The following RUFY1 variants were observed in gnomAD, a reference collection of about 807,000 sequenced individuals.
The protein encoded by RUFY1 is RUN and FYVE domain-containing protein 1.
In RUFY1, 54 loss-of-function variants were observed where a neutral mutation model predicts 94.6. The ratio of observed to expected loss-of-function variants is 0.57; its 90% confidence interval spans 0.46 to 0.72. The LOEUF (loss-of-function observed/expected upper bound fraction) is 0.72, where lower values mean the gene tolerates loss of function less well. RUFY1 is among the 30% of genes least tolerant of loss of function. The pLI is 0.00. For synonymous variants in RUFY1, 396 were observed against 347.3 expected (o/e 1.14, Z -1.56); for missense variants, 883 against 883.9 (o/e 1.00, Z 0.01).
chr5:179,570,264 T>G (rs1340667778), intron 5 of RUFY1, among the ~76,000 whole-genome samples: 2 of 152,192 alleles, frequency 1.3e-5, no homozygotes, highest in East Asian at 3.9e-4. Context: ...TGATCATGCC[T>G]GGATTTGAGA....
intron 1 of RUFY1, among the ~76,000 whole-genome samples, chr5:179,555,445 T>C (rs4701131): frequency 0.41 from 62,060 of 151,842 alleles, 13,065 homozygotes; most frequent in East Asian, 0.69. Context: ...CCAGGTTTAA[T>C]TTTCCATGCC....
At chr5:179,559,435 G>A (rs7702303) in intron 1 of RUFY1, among the ~76,000 whole-genome samples, 59,758 of 152,040 alleles carry the variant, frequency 0.39, 12,146 homozygotes, top group East Asian at 0.69. Flanking sequence ...TGAGCCTGGA[G>A]CTGAGGGGAA....
rs151290435 is a variant in RUFY1, at chr5:179,596,437, G to A, written c.1512-125G>A. 1.2e-5 allele frequency: 15 copies of A among 1,203,114 alleles called. No homozygotes were observed. The African/African-American group carries it at 1.5e-4, about 12-fold the overall frequency. The allele number at this position is 1,203,114 out of a possible 1,614,324, so 74.5% of individuals were successfully genotyped here. A position where few individuals can be genotyped will look rare whatever the true frequency, so the allele number is the denominator to read the frequency against. On this transcript the variant is annotated intron_variant, in intron 12 of 17. Transcript: ENST00000319449. ...GATTGTGGTGGAGCTGAATCTCCAC[G>A]TGTTAAAACTCACAAGAGTTAATTT...
intron 8 of RUFY1, 48 bp from the exon 9 acceptor site, chr5:179,589,498 A>T: frequency 8.6e-7 from 1 of 1,168,416 alleles, no homozygotes; most frequent in Non-Finnish European, 1.3e-6. Context: ...AATTTGAACA[A>T]TAAGATTAAT....
chr5:179,573,592 C>T (rs1763386636), intron 5 of RUFY1, among the ~76,000 whole-genome samples: 1 of 151,980 alleles, frequency 6.6e-6, no homozygotes, highest in East Asian at 1.9e-4. Flanking sequence ...GCATAATCTC[C>T]ACTCACTGCA....
intron 9 of RUFY1, among the ~76,000 whole-genome samples, 158 bp from the exon 10 acceptor site, chr5:179,591,467 A>G (rs1765097791): frequency 6.6e-6 from 1 of 152,236 alleles, no homozygotes; most frequent in Non-Finnish European, 1.5e-5. Flanking sequence ...TACAGGCGTG[A>G]GCCAATGCGC....
chr5:179,555,864 G>A (rs534239105), intron 1 of RUFY1: 2 of 247,996 alleles, frequency 8.1e-6, no homozygotes, highest in South Asian at 6.8e-5. Context: ...ATTTTTAGTA[G>A]AGACAGGGTT....
intron 6 of RUFY1, among the ~76,000 whole-genome samples, chr5:179,578,457 G>C (rs1763833361): frequency 6.6e-6 from 1 of 151,840 alleles, no homozygotes; most frequent in Admixed American, 6.6e-5. Flanking sequence ...GGCCTCAGGT[G>C]ATCCACCTGC....
intron 14 of RUFY1, chr5:179,599,457 C>T (rs1239246728): frequency 6.6e-6 from 1 of 152,534 alleles, no homozygotes; most frequent in Non-Finnish European, 1.5e-5. Flanking sequence ...AGCAGACCGA[C>T]CCCAGCCCTC....
At chr5:179,592,885 T>G (rs1336892441) in intron 10 of RUFY1, among the ~76,000 whole-genome samples, 1 of 152,196 alleles carries the variant, frequency 6.6e-6, no homozygotes, top group Non-Finnish European at 1.5e-5. Context: ...AAAACATGCA[T>G]TCTGATCTGT....
chr5:179,550,960 T>G (rs1316604964), intron 1 of RUFY1, 81 bp downstream of exon 1: 1 of 988,406 alleles, frequency 1.0e-6, no homozygotes, highest in Non-Finnish European at 1.2e-6. Flanking sequence ...GGGGCCGGGC[T>G]GGGAGGGCAC....
chr5:179,591,391 A>C lies in RUFY1; in HGVS notation c.1129-234A>C, dbSNP rs188244070. Among the ~76,000 whole-genome samples the C allele has an allele frequency of 3.5e-3, 520 of 149,322 alleles. 2 individuals are homozygous for C. The highest frequency in any genetic ancestry group is 5.8e-3 in the Non-Finnish European group (388 of 67,334). On this transcript the variant is annotated intron_variant, in intron 9 of 17. Coordinates refer to ENST00000319449, the MANE Select transcript of RUFY1 (RefSeq NM_025158.5). The stretch of plus-strand genomic sequence containing the variant: ...AGTAGAGACGGGGTTTCACCATGTT[A>C]GCCAGGATGGTCTCGATCGCCTGAC...
In RUFY1 at chr5:179,591,610, C is replaced by T; in HGVS notation, c.1129-15C>T. On this transcript the variant is annotated splice_polypyrimidine_tract_variant and intron_variant, in intron 9 of 17. Coordinates refer to ENST00000319449, the MANE Select transcript of RUFY1 (RefSeq NM_025158.5). ...ATAAGCAAACAATTCCTCTTGGTGT[C>T]CTTGTTTGATACAGATAACAAAACA... The T allele has an allele frequency of 1.3e-6, 2 of 1,512,382 alleles. No individual in the cohort carries two copies. Among genetic ancestry groups the T allele is most frequent in the Non-Finnish European group, 1.8e-6 (2 of 1,093,624 alleles). 93.7% of individuals were successfully genotyped at this position (1,512,382 alleles called of 1,614,324 possible). A position where few individuals can be genotyped will look rare whatever the true frequency, so the allele number is the denominator to read the frequency against.
At chr5:179,565,378 C>T (rs947723972) in intron 3 of RUFY1, among the ~76,000 whole-genome samples, 20 of 151,798 alleles carry the variant, frequency 1.3e-4, no homozygotes, top group African/African-American at 3.4e-4. Flanking sequence ...GGGAGTTTAA[C>T]GTGTTGGCCA....
At chr5:179,580,241 G>GTATATATATATA (rs1554118908) in intron 6 of RUFY1, among the ~76,000 whole-genome samples, 5,296 of 93,750 alleles carry the variant, frequency 0.056, 183 homozygotes, top group Non-Finnish European at 0.092. Context: ...GTGTGTGTGT[G>GTATATATATATA]TATATTTTTT....
At chr5:179,557,696 G>C (rs1762177142) in intron 1 of RUFY1, among the ~76,000 whole-genome samples, 1 of 152,098 alleles carries the variant, frequency 6.6e-6, no homozygotes, top group Non-Finnish European at 1.5e-5. Context: ...TTAGGGTTGT[G>C]AATATTGACT....
At chr5:179,579,658 T>TTTTTC (rs1491230496) in intron 6 of RUFY1, among the ~76,000 whole-genome samples, 16 of 36,570 alleles carry the variant, frequency 4.4e-4, no homozygotes, top group South Asian at 1.5e-3. Flanking sequence ...TTTCTTCTTC[T>TTTTTC]TTTTTTTTTT....
At chr5:179,585,764 T>G (rs1233288703) in intron 7 of RUFY1, 32 bp from the exon 8 acceptor site, 2 of 1,490,146 alleles carry the variant, frequency 1.3e-6, no homozygotes, top group South Asian at 1.1e-5. Flanking sequence ...TTGTATAAGT[T>G]TATGTTTACT....
Position 179,550,796 on chromosome 5 carries a change from A to T in RUFY1, c.227A>T (p.Asn76Ile). ...ACCCTGGCACGCAGGGCCACCGGGA[A>T]CCTGTCGGCGAGCTGCGGGAGCGCG... The part of the protein sequence containing the change: ...ILTLARRATG[N>I]LSASCGSALR... The change falls in exon 1 of 18, where the codon AAC (asparagine) becomes ATC (isoleucine). Residue 76 changes from asparagine to isoleucine, a missense_variant. Asn to Ile is a moderately radical substitution (Grantham distance 149). Coordinates refer to ENST00000319449, the MANE Select transcript of RUFY1 (RefSeq NM_025158.5). The T allele has an allele frequency of 7.4e-7, 1 of 1,343,062 alleles. No individual in the cohort carries two copies. The highest frequency in any genetic ancestry group is 9.6e-7 in the Non-Finnish European group (1 of 1,044,326). 83.2% of individuals were successfully genotyped at this position (1,343,062 alleles called of 1,614,324 possible).
Sources: allele counts gnomAD v4.1 joint callset (sites outside exome capture counted in the v4.1 genomes callset), GRCh38; gene constraint gnomAD v4.1.1; transcripts MANE v1.5; gene names NCBI Gene and HGNC (gene_info 2026-07-23, HGNC 2026-07-21).